Variants in CNTNAP4 observed in about 807,000 individuals in gnomAD.
The protein encoded by CNTNAP4 is contactin associated protein family member 4.
A neutral mutation model predicts 148.4 loss-of-function variants in CNTNAP4; 98 were observed. The ratio of observed to expected loss-of-function variants is 0.66; its 90% confidence interval spans 0.56 to 0.78. The LOEUF (loss-of-function observed/expected upper bound fraction) is 0.78, where lower values mean the gene tolerates loss of function less well. Ranked by LOEUF, CNTNAP4 falls within the 30% of genes least tolerant of loss-of-function variation. The pLI is 0.00. For missense variants in CNTNAP4, 1,935 were observed against 1,565.6 expected (o/e 1.24, Z -3.98); for synonymous variants, 730 against 565.1 (o/e 1.29, Z -4.14).
chr16:76,467,269 C>A (rs921296674), intron 9 of CNTNAP4, 83 bp from the exon 10 acceptor site: 2 of 1,236,816 alleles, frequency 1.6e-6, no homozygotes, highest in Non-Finnish European at 2.3e-6. Flanking sequence ...ATGCCTCTTT[C>A]TTTTATTTTT....
intron 3 of CNTNAP4, among the ~76,000 whole-genome samples, chr16:76,377,681 C>T (rs542640387): frequency 8.5e-5 from 13 of 152,238 alleles, no homozygotes; most frequent in South Asian, 4.2e-4. Context: ...TTGCTATCAC[C>T]AGCTGACACT....
chr16:76,318,686 A>C (rs1322060696), intron 2 of CNTNAP4, among the ~76,000 whole-genome samples: 2 of 147,368 alleles, frequency 1.4e-5, no homozygotes, highest in Non-Finnish European at 1.5e-5. Context: ...ATTTCTCATA[A>C]TATTTCTCAT....
chr16:76,466,864 G>C (rs1403098887), intron 9 of CNTNAP4, among the ~76,000 whole-genome samples: 3 of 151,874 alleles, frequency 2.0e-5, no homozygotes, highest in Non-Finnish European at 4.4e-5. Context: ...ATAAACAGTT[G>C]GTAATTTTAT....
chr16:76,437,311 C>A (rs1228731719), intron 4 of CNTNAP4, among the ~76,000 whole-genome samples: 1 of 152,234 alleles, frequency 6.6e-6, no homozygotes, highest in Middle Eastern at 3.4e-3. Context: ...CCCTCACAGA[C>A]ACACCCAGGA....
intron 1 of CNTNAP4, 28 bp from the exon 2 acceptor site, chr16:76,316,385 C>T: frequency 6.7e-7 from 1 of 1,500,880 alleles, no homozygotes; most frequent in Non-Finnish European, 9.3e-7. Context: ...ACTAACTAAC[C>T]CTAACGTGGC....
At chr16:76,343,795 A>G (rs1964685596) in intron 2 of CNTNAP4, among the ~76,000 whole-genome samples, 1 of 152,182 alleles carries the variant, frequency 6.6e-6, no homozygotes, top group Non-Finnish European at 1.5e-5. Context: ...GTAATAATCA[A>G]GAATAAGGCA....
rs181660581 is a variant in CNTNAP4, at chr16:76,385,186, C to G, written c.390+29675C>G. ...CTTGATGCTTACTCCAGATTTTTCC[C>G]AGATTTATTTAGAGCAGCAAGAGCT... On this transcript the variant is annotated intron_variant, in intron 3 of 23. Coordinates refer to ENST00000611870, the MANE Select transcript of CNTNAP4 (RefSeq NM_033401.5). 5.3e-5 allele frequency among the ~76,000 whole-genome samples: 8 copies of G among 152,154 alleles called. No individual in the cohort carries two copies. In the East Asian group the frequency reaches 9.7e-4, roughly 18 times the overall value.
chr16:76,442,116 T>A (rs2080067870), intron 4 of CNTNAP4, among the ~76,000 whole-genome samples: 1 of 152,044 alleles, frequency 6.6e-6, no homozygotes, highest in South Asian at 2.1e-4. Context: ...GGACCTGATG[T>A]AATCACAAGG....
Position 76,489,883 on chromosome 16 carries a change from G to T in CNTNAP4, c.2080G>T (p.Asp694Tyr). 1 of 1,539,910 alleles carries T rather than the reference G, an allele frequency of 6.5e-7. No homozygotes were observed. The highest frequency in any genetic ancestry group is 8.8e-7 in the Non-Finnish European group (1 of 1,132,564). The change falls in exon 13 of 24, where the codon GAT becomes TAT. Residue 694 changes from aspartate (D) to tyrosine (Y), a missense_variant and splice_region_variant. Coordinates refer to ENST00000611870, the MANE Select transcript of CNTNAP4 (RefSeq NM_033401.5). ...CKKSRLVNKQ[D>Y]GTPLSWWVGR... ...GAAGTCACGGCTGGTCAATAAGCAA[G>T]GTAAGTAAACCATGGTGTCTGTCTT...
chr16:76,441,258 C>T (rs1433688566), intron 4 of CNTNAP4, among the ~76,000 whole-genome samples: 3 of 152,054 alleles, frequency 2.0e-5, no homozygotes, highest in Admixed American at 6.6e-5. Context: ...GTGTCTTCCA[C>T]GGTATTCACA....
rs576546530 is a variant in CNTNAP4 at position 76,516,545 on chromosome 16, T to A, written c.2366-4595T>A. Among the ~76,000 whole-genome samples the A allele has an allele frequency of 2.0e-5, 3 of 152,338 alleles. 1 individual carries two copies. Among genetic ancestry groups the A allele is most frequent in the African/African-American group, 7.2e-5 (3 of 41,586 alleles). ...TTGCAACTCTCATACAATCCAGTGATTGTACTCTTGGGCATTTTCCCCAGG... is the reference window on the plus strand; with the variant it reads ...TTGCAACTCTCATACAATCCAGTGAATGTACTCTTGGGCATTTTCCCCAGG... On this transcript the variant is annotated intron_variant, in intron 15 of 23. Coordinates refer to ENST00000611870, the MANE Select transcript of CNTNAP4 (RefSeq NM_033401.5).
intron 14 of CNTNAP4, among the ~76,000 whole-genome samples, chr16:76,496,286 C>A (rs4296286): frequency 0.84 from 127,261 of 151,920 alleles, 54,206 homozygotes; most frequent in East Asian, 0.97. Flanking sequence ...TTAAAATGTT[C>A]ATAAAATGCT....
chr16:76,401,068 T>G (rs1237016306), intron 3 of CNTNAP4, among the ~76,000 whole-genome samples: 1 of 152,222 alleles, frequency 6.6e-6, no homozygotes, highest in African/African-American at 2.4e-5. Flanking sequence ...TTTCTACTTC[T>G]GTGAAGAATG....
In CNTNAP4 at chr16:76,479,522, A is replaced by G. The variant is rs764728040; in HGVS notation, c.1866A>G (p.Leu622=). The G allele has an allele frequency of 1.2e-6, 2 of 1,608,702 alleles. No homozygotes were observed. The highest frequency in any genetic ancestry group is 1.1e-5 in the South Asian group (1 of 89,276). The change falls in exon 12 of 24, where the codon CTA becomes CTG. Residue 622 remains leucine, a synonymous_variant. Coordinates refer to ENST00000611870, the MANE Select transcript of CNTNAP4 (RefSeq NM_033401.5). The part of the protein sequence containing the change: ...DGSGPLEPFL[L]YCNMTETAWT... Reference sequence around the variant, plus strand: ...GTGGTCCCCTGGAACCATTTCTTCTATATTGCAATATGACCGGTGAGTTAA... The same window carrying G: ...GTGGTCCCCTGGAACCATTTCTTCTGTATTGCAATATGACCGGTGAGTTAA...
intron 2 of CNTNAP4, among the ~76,000 whole-genome samples, chr16:76,328,860 G>A (rs1963255756): frequency 6.6e-6 from 1 of 152,056 alleles, no homozygotes; most frequent in Non-Finnish European, 1.5e-5. Context: ...GGTCAGGCTG[G>A]TCTCAAACTC....
At chr16:76,363,910 C>T (rs1186761015) in intron 3 of CNTNAP4, among the ~76,000 whole-genome samples, 4 of 151,980 alleles carry the variant, frequency 2.6e-5, no homozygotes, top group African/African-American at 9.7e-5. Context: ...TTCTCATAAA[C>T]TTCTGTGAGG....
intron 1 of CNTNAP4, among the ~76,000 whole-genome samples, chr16:76,299,790 A>G (rs1174647235): frequency 6.6e-6 from 1 of 152,222 alleles, no homozygotes; most frequent in Non-Finnish European, 1.5e-5. Context: ...TGTGGCACAT[A>G]TACACCACAG....
chr16:76,296,328 C>A (rs1360033584), intron 1 of CNTNAP4, among the ~76,000 whole-genome samples: 1 of 152,124 alleles, frequency 6.6e-6, no homozygotes, highest in Non-Finnish European at 1.5e-5. Flanking sequence ...TCCACCCCAC[C>A]CATTTGACTT....
chr16:76,413,035 G>T (rs2078853042), intron 3 of CNTNAP4, among the ~76,000 whole-genome samples: 1 of 151,294 alleles, frequency 6.6e-6, no homozygotes, highest in African/African-American at 2.4e-5. Context: ...TTTGATACAT[G>T]CATGCAGTGT....
Sources: gnomAD v4.1 joint callset for allele counts (sites outside exome capture counted in the v4.1 genomes callset) on GRCh38, gnomAD v4.1.1 for gene constraint, MANE v1.5 for transcripts, NCBI Gene and HGNC (gene_info 2026-07-23, HGNC 2026-07-21) for gene names.